Variants in NR2C2 observed in about 807,000 individuals in gnomAD.
NR2C2 encodes Nuclear hormone receptor TR4.
Under a neutral mutation model 62.9 loss-of-function variants are expected in NR2C2, and 6 were observed. The ratio of observed to expected loss-of-function variants is 0.10; its 90% confidence interval spans 0.05 to 0.19. The LOEUF (loss-of-function observed/expected upper bound fraction) is 0.19. NR2C2 is among the 10% of genes least tolerant of loss of function. The pLI, the probability that NR2C2 is intolerant of heterozygous loss-of-function variation, is 1.00. For synonymous variants in NR2C2, 272 were observed against 273.8 expected, an observed-to-expected ratio of 0.99 and a Z score of 0.07; for missense variants, 479 against 762.7, an observed-to-expected ratio of 0.63 and a Z score of 4.38.
At chr3:15,039,615 C>T (rs1252232455) in intron 13 of NR2C2, among the ~76,000 whole-genome samples, 1 of 152,118 alleles carries the variant, frequency 6.6e-6, no homozygotes, top group Admixed American at 6.5e-5. Context: ...TTCCTTTGTC[C>T]AGAATAGTTT....
intron 1 of NR2C2, among the ~76,000 whole-genome samples, chr3:14,975,310 C>T (rs1454035517): frequency 1.3e-5 from 2 of 152,170 alleles, no homozygotes; most frequent in South Asian, 4.1e-4. Context: ...GAAAAGTATT[C>T]AGTCTTCTAT....
chr3:14,952,351 C>T (rs918324943), intron 1 of NR2C2, among the ~76,000 whole-genome samples: 1 of 152,194 alleles, frequency 6.6e-6, no homozygotes, highest in African/African-American at 2.4e-5. Flanking sequence ...TGAGTGTCTC[C>T]ACATATCGAG....
At chr3:14,957,697 A>T (rs1304657951) in intron 1 of NR2C2, among the ~76,000 whole-genome samples, 1 of 152,104 alleles carries the variant, frequency 6.6e-6, no homozygotes, top group Non-Finnish European at 1.5e-5. Context: ...AAAACACACT[A>T]CTTTAAGAAT....
chr3:14,948,771 G>A (rs111433869), intron 1 of NR2C2: 1 of 152,300 alleles, frequency 6.6e-6, no homozygotes, highest in African/African-American at 2.4e-5. Flanking sequence ...CGTGGGAAGA[G>A]GTTTTCGGAA....
chr3:14,956,474 T>C (rs2039528280), intron 1 of NR2C2, among the ~76,000 whole-genome samples: 1 of 152,210 alleles, frequency 6.6e-6, no homozygotes. Context: ...TTTAGCCCCA[T>C]TGTTTTGCCC....
chr3:15,007,317 C>T (rs1356365838), intron 2 of NR2C2, among the ~76,000 whole-genome samples: 2 of 151,460 alleles, frequency 1.3e-5, no homozygotes, highest in African/African-American at 2.4e-5. Context: ...TTAGTAGGGA[C>T]GGGGTTTCAC....
chr3:14,976,631 C>T (rs754771712), intron 1 of NR2C2, among the ~76,000 whole-genome samples: 1 of 85,304 alleles, frequency 1.2e-5, no homozygotes, highest in African/African-American at 5.9e-5. Flanking sequence ...TTTTGATGGA[C>T]AGCATGCTGT....
At chr3:15,037,209 T>TTGTGTG (rs373045181) in intron 11 of NR2C2, among the ~76,000 whole-genome samples, 64 of 130,294 alleles carry the variant, frequency 4.9e-4, no homozygotes, top group East Asian at 2.4e-3. Context: ...TGTTTTTTGT[T>TTGTGTG]TGTGTGTGTG....
At chr3:15,024,059 T>A (rs770008045) in intron 6 of NR2C2, 56 bp from the exon 7 acceptor site, 2 of 1,182,600 alleles carry the variant, frequency 1.7e-6, no homozygotes, top group Non-Finnish European at 2.5e-6. Flanking sequence ...TGCAGCATGA[T>A]CATACTGTGC....
chr3:15,023,412 A>G, intron 6 of NR2C2, 65 bp downstream of exon 6: 1 of 1,568,130 alleles, frequency 6.4e-7, no homozygotes, highest in Non-Finnish European at 8.7e-7. Flanking sequence ...GACGTGTCCC[A>G]CAGCAGGCAC....
At chr3:15,030,551 G>C in intron 9 of NR2C2, 99 bp downstream of exon 9, 1 of 1,249,532 alleles carries the variant, frequency 8.0e-7, no homozygotes, top group Non-Finnish European at 1.1e-6. Context: ...CTTGGGGCCA[G>C]GCATAGTGGC....
chr3:14,987,322 A>G (rs1339287187), intron 1 of NR2C2, among the ~76,000 whole-genome samples: 3 of 152,142 alleles, frequency 2.0e-5, no homozygotes, highest in African/African-American at 4.8e-5. Flanking sequence ...GGCGTAAGCA[A>G]TCCTTCCGCC....
At chr3:14,948,645 C>A (rs890216913) in intron 1 of NR2C2, 24 of 153,298 alleles carry the variant, frequency 1.6e-4, no homozygotes, top group African/African-American at 5.8e-4. Context: ...GAGGCCGGCG[C>A]CTGGTCTTGG....
intron 7 of NR2C2, chr3:15,025,970 G>C (rs776320797): frequency 6.6e-5 from 10 of 151,520 alleles, no homozygotes; most frequent in Non-Finnish European, 1.3e-4. Context: ...ACATAACCTT[G>C]TGTGTACATA....
chr3:15,004,075 T>C (rs1347227837), intron 2 of NR2C2, 89 bp downstream of exon 2: 1 of 1,075,734 alleles, frequency 9.3e-7, no homozygotes, highest in African/African-American at 1.6e-5. Context: ...TAAAGAGTTG[T>C]GCCTTTTGGG....
At chr3:15,009,753 A>G (rs558088503) in intron 2 of NR2C2, among the ~76,000 whole-genome samples, 2 of 152,268 alleles carry the variant, frequency 1.3e-5, no homozygotes, top group African/African-American at 4.8e-5. Context: ...AACAATAGAA[A>G]TTTATTTTCC....
intron 4 of NR2C2, among the ~76,000 whole-genome samples, chr3:15,017,901 C>T (rs1177310513): frequency 6.6e-6 from 1 of 152,182 alleles, no homozygotes; most frequent in Non-Finnish European, 1.5e-5. Flanking sequence ...ACAAACAAGA[C>T]AGAATCAGAA....
chr3:15,028,513 T>C, intron 7 of NR2C2, 73 bp from the exon 8 acceptor site: 2 of 1,490,314 alleles, frequency 1.3e-6, no homozygotes, highest in Admixed American at 1.8e-5. Flanking sequence ...GAACCAGCAT[T>C]ATAACTTCAT....
At chr3:14,957,681 C>T (rs547468148) in intron 1 of NR2C2, among the ~76,000 whole-genome samples, 9 of 152,202 alleles carry the variant, frequency 5.9e-5, no homozygotes, top group African/African-American at 1.9e-4. Context: ...TGTGTGCTAT[C>T]GAGGAAAAAC....
Sources: allele counts gnomAD v4.1 joint callset (sites outside exome capture counted in the v4.1 genomes callset), GRCh38; gene constraint gnomAD v4.1.1; transcripts MANE v1.5; gene names NCBI Gene and HGNC (gene_info 2026-07-23, HGNC 2026-07-21).